Variants in DGKH observed in about 807,000 individuals in gnomAD.
DGKH encodes diacylglycerol kinase eta.
DGKH carries 90 observed loss-of-function variants against 159.3 expected under a neutral mutation model. That is an observed-to-expected ratio of 0.57 (90% CI 0.48 to 0.67). DGKH has a LOEUF of 0.67. DGKH is among the 30% of genes least tolerant of loss of function. The pLI, the probability that DGKH is intolerant of heterozygous loss-of-function variation, is 0.00. For synonymous variants in DGKH, 536 were observed against 553.8 expected (o/e 0.97, Z 0.45); for missense variants, 1,181 against 1,506.1 (o/e 0.78, Z 3.57).
In DGKH at chr13:42,155,390, T is replaced by C. The variant is rs765248663; in HGVS notation, c.484T>C (p.Tyr162His). The C allele has an allele frequency of 1.2e-6, 2 of 1,608,088 alleles. No homozygotes were observed. The highest frequency in any genetic ancestry group is 1.7e-6 in the Non-Finnish European group (2 of 1,178,320). Residue 162 changes from tyrosine (Y) to histidine (H), a missense_variant, in exon 4 of 30, where the codon TAC becomes CAC. By Grantham distance (83) the Tyr-to-His change is moderately conservative (BLOSUM62 2). Coordinates refer to ENST00000337343, the MANE Select transcript of DGKH (RefSeq NM_178009.5). ...SLKSVQTREP[Y>H]EVAQFNVEHF... ...GAAGTCTGTACAGACCAGAGAACCC[T>C]ACGAGGTAAAATAGCATCTTTTCTT...
intron 30 of DGKH, among the ~76,000 whole-genome samples, chr13:42,254,646 A>G (rs995961919): frequency 3.3e-5 from 5 of 151,742 alleles, no homozygotes; most frequent in African/African-American, 1.2e-4. Flanking sequence ...AAAAAAAAAA[A>G]GAATGTTATA....
At chr13:42,134,945 C>A (rs1955370043) in intron 3 of DGKH, among the ~76,000 whole-genome samples, 2 of 151,746 alleles carry the variant, frequency 1.3e-5, no homozygotes, top group Admixed American at 1.3e-4. Flanking sequence ...CCACTGCACT[C>A]CAGCCTGGGC....
intron 1 of DGKH, among the ~76,000 whole-genome samples, chr13:42,056,791 C>T (rs372686903): frequency 9.9e-5 from 15 of 152,252 alleles, no homozygotes; most frequent in African/African-American, 3.6e-4. Flanking sequence ...CCTTACTTCT[C>T]TTGGCCTCTC....
chr13:42,074,644 A>ATCTG (rs1440670508), intron 1 of DGKH, among the ~76,000 whole-genome samples: 2 of 115,280 alleles, frequency 1.7e-5, no homozygotes, highest in Non-Finnish European at 3.7e-5. Context: ...TATTGTATCT[A>ATCTG]TCCGTCCATC....
intron 1 of DGKH, among the ~76,000 whole-genome samples, chr13:42,085,786 G>C (rs534047429): frequency 6.6e-6 from 1 of 152,106 alleles, no homozygotes; most frequent in Admixed American, 6.5e-5. Context: ...GAAAATCCAG[G>C]TATGTTTGAA....
At chr13:42,047,894 T>G (rs1880907817), upstream of DGKH, among the ~76,000 whole-genome samples, 1 of 152,294 alleles carries the variant, frequency 6.6e-6, no homozygotes, top group South Asian at 2.1e-4. Context: ...GTCTCTTGTT[T>G]CTGCGCTTTC....
Position 42,199,593 on chromosome 13 carries a change from G to T in DGKH, c.2313G>T (p.Met771Ile). ...SVDGYSEKCV[M>I]NNYFGIGLDA... ...ATGGATATTCAGAAAAATGTGTCAT[G>T]AACAATTACTTTGGGATTGGATTAG... The change falls in exon 19 of 30, where the codon ATG becomes ATT. Residue 771 changes from methionine (M) to isoleucine (I), a missense_variant. Met to Ile is a conservative substitution (Grantham distance 10, BLOSUM62 1). Transcript: ENST00000337343. 1 of 1,601,184 alleles carries T rather than the reference G, an allele frequency of 6.2e-7. No homozygotes were observed. Among genetic ancestry groups the T allele is most frequent in the South Asian group, 1.1e-5 (1 of 87,268 alleles).
At chr13:42,251,221 A>C (rs1958618182) in intron 29 of DGKH, among the ~76,000 whole-genome samples, 1 of 152,156 alleles carries the variant, frequency 6.6e-6, no homozygotes, top group Non-Finnish European at 1.5e-5. Flanking sequence ...CACACCTGTA[A>C]TCTCAACACT....
At chr13:42,177,011 A>T (rs931969932) in intron 12 of DGKH, among the ~76,000 whole-genome samples, 1 of 152,240 alleles carries the variant, frequency 6.6e-6, no homozygotes, top group Non-Finnish European at 1.5e-5. Context: ...ATTTATTTAC[A>T]TGATTATATG....
At chr13:42,051,685 G>A (rs1028682074) in intron 1 of DGKH, among the ~76,000 whole-genome samples, 4 of 84,474 alleles carry the variant, frequency 4.7e-5, no homozygotes, top group South Asian at 4.3e-4. Context: ...TTGAGATGGA[G>A]TTTCACTCTT....
intron 29 of DGKH, among the ~76,000 whole-genome samples, chr13:42,249,322 G>A (rs951232419): frequency 5.9e-5 from 9 of 152,190 alleles, no homozygotes; most frequent in Non-Finnish European, 1.0e-4. Flanking sequence ...GAGCCTGGGA[G>A]GATGGAGTGA....
chr13:42,168,113 C>A (rs1212721657), intron 9 of DGKH, among the ~76,000 whole-genome samples: 1 of 152,124 alleles, frequency 6.6e-6, no homozygotes, highest in East Asian at 1.9e-4. Context: ...AGAATTTATT[C>A]TTGTAATAGA....
At chr13:42,118,722 T>C (rs1955009454) in intron 1 of DGKH, among the ~76,000 whole-genome samples, 1 of 152,126 alleles carries the variant, frequency 6.6e-6, no homozygotes, top group South Asian at 2.1e-4. Context: ...AGGAAGGAGC[T>C]TAGGAGGGGT....
At chr13:42,070,570 G>A (rs1384821243) in intron 1 of DGKH, 1 of 1,555,132 alleles carries the variant, frequency 6.4e-7, no homozygotes, top group South Asian at 1.1e-5. Flanking sequence ...CATGATCCGT[G>A]CAAGACCAAA....
At chr13:42,162,197 C>A (rs896408691) in intron 7 of DGKH, among the ~76,000 whole-genome samples, 3 of 152,178 alleles carry the variant, frequency 2.0e-5, no homozygotes, top group Non-Finnish European at 4.4e-5. Flanking sequence ...TGCCTGTTTA[C>A]ATATTATTTT....
At chr13:42,092,000 T>C (rs2137749007) in intron 1 of DGKH, among the ~76,000 whole-genome samples, 1 of 152,322 alleles carries the variant, frequency 6.6e-6, no homozygotes, top group East Asian at 1.9e-4. Flanking sequence ...TTTCTGTAAT[T>C]GGCTGTACTA....
chr13:42,219,621 T>G lies in DGKH; in HGVS notation c.3334-65T>G. The G allele has an allele frequency of 4.4e-6, 6 of 1,369,124 alleles. No individual in the cohort carries two copies. The East Asian group carries it at 1.6e-4, about 36-fold the overall frequency. The allele number at this position is 1,369,124 out of a possible 1,614,324, so 84.8% of individuals were successfully genotyped here. ...TAACTTATTCCTGTGTTATCCCTAT[T>G]ATCAGAGTAGGTTTTTCTCCTTTTC... On this transcript the variant is annotated intron_variant, in intron 27 of 29. Transcript: ENST00000337343.
At chr13:42,130,260 A>G (rs1313971953) in intron 3 of DGKH, among the ~76,000 whole-genome samples, 1 of 151,748 alleles carries the variant, frequency 6.6e-6, no homozygotes, top group Non-Finnish European at 1.5e-5. Context: ...CAGCAATTCT[A>G]CCCATGCCTA....
At chr13:42,225,147 T>G (rs2138267053) in intron 29 of DGKH, 1 of 707,220 alleles carries the variant, frequency 1.4e-6, no homozygotes, top group Non-Finnish European at 2.3e-6. Flanking sequence ...GGTCTTGAAC[T>G]CCTGGCCTCA....
Sources: allele counts gnomAD v4.1 joint callset (sites outside exome capture counted in the v4.1 genomes callset), GRCh38; gene constraint gnomAD v4.1.1; transcripts MANE v1.5; gene names NCBI Gene and HGNC (gene_info 2026-07-23, HGNC 2026-07-21).